NAALADL2: variants seen among roughly 807,000 people sequenced by gnomAD.
NAALADL2 encodes the protein N-acetylated alpha-linked acidic dipeptidase like 2.
Under a neutral mutation model 87.2 loss-of-function variants are expected in NAALADL2, and 76 were observed. That is an observed-to-expected ratio of 0.87 (90% confidence interval 0.72 to 1.05). The LOEUF (loss-of-function observed/expected upper bound fraction) is 1.05. Ranked by LOEUF, NAALADL2 falls within the 50% of genes least tolerant of loss-of-function variation. NAALADL2 has a pLI of 0.00. For missense variants in NAALADL2, 1,089 were observed against 945.8 expected, an observed-to-expected ratio of 1.15 and a Z score of -1.99; for synonymous variants, 354 against 331.0, an observed-to-expected ratio of 1.07 and a Z score of -0.75.
intron 1 of NAALADL2, among the ~76,000 whole-genome samples, chr3:174,995,135 CAA>C (rs534512303): frequency 7.0e-6 from 1 of 143,010 alleles, no homozygotes; most frequent in African/African-American, 2.6e-5. Flanking sequence ...AAAATAATAG[CAA>C]AAAAAAAAGA....
chr3:174,557,039 C>G (rs993841886), intron 2 of NAALADL2, among the ~76,000 whole-genome samples: 1 of 152,100 alleles, frequency 6.6e-6, no homozygotes, highest in Non-Finnish European at 1.5e-5. Context: ...AGCCACCGTG[C>G]CCAGCTACAT....
At chr3:175,751,760 T>C (rs62286116) in intron 12 of NAALADL2, among the ~76,000 whole-genome samples, 11,954 of 152,186 alleles carry the variant, frequency 0.079, 497 homozygotes, top group Middle Eastern at 0.11. Flanking sequence ...AACGTACTTA[T>C]TATTTTTTAA....
intron 1 of NAALADL2, among the ~76,000 whole-genome samples, chr3:174,865,859 A>G (rs576961768): frequency 1.3e-5 from 2 of 151,982 alleles, no homozygotes; most frequent in South Asian, 4.1e-4. Flanking sequence ...GTTTCTATGT[A>G]TTTACTTGCT....
chr3:174,724,739 A>G (rs1034757873), intron 2 of NAALADL2, among the ~76,000 whole-genome samples: 1 of 152,186 alleles, frequency 6.6e-6, no homozygotes, highest in Non-Finnish European at 1.5e-5. Flanking sequence ...TAATTACCAC[A>G]GCATCTATAT....
chr3:175,659,640 T>C (rs528222861), intron 11 of NAALADL2, among the ~76,000 whole-genome samples: 10 of 152,216 alleles, frequency 6.6e-5, no homozygotes, highest in Non-Finnish European at 1.3e-4. Flanking sequence ...TATAGCTGAA[T>C]TGACTAAATT....
chr3:175,111,451 G>A (rs1003642141), intron 2 of NAALADL2, among the ~76,000 whole-genome samples: 4 of 151,622 alleles, frequency 2.6e-5, no homozygotes, highest in African/African-American at 9.7e-5. Flanking sequence ...ATTCTCCAGA[G>A]TTCTGGGAAA....
chr3:175,390,934 T>C (rs1768994639), intron 5 of NAALADL2, among the ~76,000 whole-genome samples: 1 of 152,306 alleles, frequency 6.6e-6, no homozygotes, highest in Admixed American at 6.5e-5. Flanking sequence ...CATTCTACTG[T>C]TCTGAGTAGG....
chr3:175,215,359 A>G (rs1329481870), intron 2 of NAALADL2, among the ~76,000 whole-genome samples: 1 of 152,052 alleles, frequency 6.6e-6, no homozygotes, highest in Non-Finnish European at 1.5e-5. Flanking sequence ...CTTGAATCAT[A>G]CCCTTGTCTC....
chr3:175,237,792 ATGT>A (rs1014088952), intron 3 of NAALADL2, among the ~76,000 whole-genome samples: 1 of 152,094 alleles, frequency 6.6e-6, no homozygotes, highest in Admixed American at 6.6e-5. Context: ...TTTTCTGGGC[ATGT>A]TGTATGACAA....
chr3:175,272,965 T>C (rs1287004560), intron 4 of NAALADL2, among the ~76,000 whole-genome samples: 1 of 152,084 alleles, frequency 6.6e-6, no homozygotes, highest in Non-Finnish European at 1.5e-5. Flanking sequence ...AATAATAACA[T>C]GCAGATAAAC....
At position 174,512,619 on chromosome 3, in the gene NAALADL2, A is replaced by T. The variant is rs181211182; in HGVS notation, c.-183-37950A>T. 2.0e-5 allele frequency among the ~76,000 whole-genome samples: 3 copies of T among 152,270 alleles called. No individual in the cohort carries two copies. In the East Asian group the frequency reaches 5.8e-4, roughly 29 times the overall value. On this transcript the variant is annotated intron_variant, in intron 1 of 3. Transcript: ENST00000434257. ...TAGAGATCTATTTTTGGATAGCCTT[A>T]GTATCTCAGTATTGTTTCCCACAAA... is the stretch of plus-strand genomic sequence containing the variant.
chr3:174,767,991 C>T (rs1383538395), intron 3 of NAALADL2, among the ~76,000 whole-genome samples: 1 of 152,080 alleles, frequency 6.6e-6, no homozygotes, highest in East Asian at 1.9e-4. Flanking sequence ...GTGAAGAGGC[C>T]TATTAGAAAC....
intron 9 of NAALADL2, among the ~76,000 whole-genome samples, chr3:175,574,124 G>A (rs1252285650): frequency 3.3e-5 from 5 of 152,188 alleles, no homozygotes; most frequent in East Asian, 1.9e-4. Flanking sequence ...GTTGAAAAAA[G>A]TTGGAATAAC....
At chr3:174,818,253 A>G (rs191486013) in intron 3 of NAALADL2, among the ~76,000 whole-genome samples, 5 of 152,128 alleles carry the variant, frequency 3.3e-5, no homozygotes, top group Non-Finnish European at 4.4e-5. Flanking sequence ...TGACTTTAAG[A>G]TGGTCAAACA....
chr3:174,958,868 G>T (rs966215117), intron 1 of NAALADL2, among the ~76,000 whole-genome samples: 2 of 152,038 alleles, frequency 1.3e-5, no homozygotes, highest in African/African-American at 4.8e-5. Flanking sequence ...TAGATAATAT[G>T]ATTGCTTATA....
intron 13 of NAALADL2, among the ~76,000 whole-genome samples, chr3:175,763,433 A>G (rs79057279): frequency 0.024 from 3,611 of 152,286 alleles, 142 homozygotes; most frequent in African/African-American, 0.08. Flanking sequence ...GTTTAAGGTT[A>G]TGAGTCCTTG....
chr3:175,617,200 G>A (rs1725466981), intron 10 of NAALADL2, among the ~76,000 whole-genome samples: 1 of 152,162 alleles, frequency 6.6e-6, no homozygotes, highest in South Asian at 2.1e-4. Flanking sequence ...AAGGGAGGAG[G>A]GGAGGCCTGG....
At chr3:174,886,014 C>T (rs765214811) in intron 1 of NAALADL2, among the ~76,000 whole-genome samples, 32 of 147,930 alleles carry the variant, frequency 2.2e-4, no homozygotes, top group East Asian at 1.0e-3. Flanking sequence ...CCTGGGTTCA[C>T]GCCATTCTCC....
intron 9 of NAALADL2, among the ~76,000 whole-genome samples, chr3:175,570,954 A>G (rs1050766450): frequency 7.2e-5 from 11 of 151,946 alleles, no homozygotes; most frequent in Non-Finnish European, 1.6e-4. Flanking sequence ...TGAATGTTAC[A>G]CTTTTCTTGC....
Sources: gnomAD v4.1 joint callset for allele counts (sites outside exome capture counted in the v4.1 genomes callset) on GRCh38, gnomAD v4.1.1 for gene constraint, MANE v1.5 for transcripts, NCBI Gene and HGNC (gene_info 2026-07-23, HGNC 2026-07-21) for gene names.